SNRK: variants seen among roughly 807,000 people sequenced by gnomAD.
SNRK encodes the protein SNF related kinase.
A neutral mutation model predicts 48.2 loss-of-function variants in SNRK; 3 were observed. The observed-to-expected ratio is 0.06, with a 90% CI of 0.03 to 0.16. The LOEUF (loss-of-function observed/expected upper bound fraction) is 0.16, where lower values mean the gene tolerates loss of function less well. Ranked by LOEUF, SNRK falls within the 10% of genes least tolerant of loss-of-function variation. The pLI, the probability that SNRK is intolerant of heterozygous loss-of-function variation, is 1.00. For synonymous variants in SNRK, 376 were observed against 366.1 expected (o/e 1.03, Z -0.31); for missense variants, 627 against 976.0 (o/e 0.64, Z 4.76).
At position 43,340,421 on chromosome 3, in the gene SNRK, A is replaced by G. The variant is rs2091226279; in HGVS notation, c.866A>G (p.Asn289Ser). The G allele has an allele frequency of 6.2e-7, 1 of 1,614,162 alleles. No homozygotes were observed. Among genetic ancestry groups the G allele is most frequent in the Non-Finnish European group, 8.5e-7 (1 of 1,180,028 alleles). ...KYNIPLVSYK[N>S]LSEEEHNSII... ...AACATTCCCCTTGTGTCATACAAAAATCTCTCGGAAGAGGAGCACAACAGC... is the reference window on the plus strand; with the variant it reads ...AACATTCCCCTTGTGTCATACAAAAGTCTCTCGGAAGAGGAGCACAACAGC... Residue 289 changes from asparagine (N) to serine (S), a missense_variant, in exon 5 of 7, where the codon AAT becomes AGT. By Grantham distance (46) the Asn-to-Ser change is conservative. Around this residue, in one of 4 missense-constraint regions of SNRK, gnomAD observed 147 missense variants for 356.8 expected, o/e 0.41. Coordinates refer to ENST00000296088, the MANE Select transcript of SNRK (RefSeq NM_017719.5).
chr3:43,321,563 G>T (rs572057012), intron 3 of SNRK, among the ~76,000 whole-genome samples: 3 of 152,232 alleles, frequency 2.0e-5, no homozygotes, highest in African/African-American at 7.2e-5. Context: ...TTAATTTTAC[G>T]TATAATTCTA....
intron 3 of SNRK, among the ~76,000 whole-genome samples, chr3:43,324,736 A>G (rs2091081994): frequency 6.6e-6 from 1 of 152,204 alleles, no homozygotes; most frequent in South Asian, 2.1e-4. Context: ...GATTTTTTTA[A>G]TACAGGAAAA....
intron 4 of SNRK, chr3:43,333,208 A>G (rs1422256214): frequency 6.6e-6 from 1 of 152,014 alleles, no homozygotes; most frequent in Non-Finnish European, 1.5e-5. Context: ...CGTCTCTACT[A>G]AAAATACAGA....
At chr3:43,301,811 G>C (rs1199321840) in intron 2 of SNRK, among the ~76,000 whole-genome samples, 2 of 152,130 alleles carry the variant, frequency 1.3e-5, no homozygotes, top group South Asian at 2.1e-4. Flanking sequence ...AGCCTTAGGA[G>C]GTTGCTATAT....
chr3:43,329,912 A>G (rs1325611105), intron 3 of SNRK, among the ~76,000 whole-genome samples: 1 of 152,198 alleles, frequency 6.6e-6, no homozygotes, highest in African/African-American at 2.4e-5. Flanking sequence ...TATATTATTC[A>G]TTATATTTTT....
chr3:43,330,559 G>A (rs1209031130), intron 3 of SNRK, among the ~76,000 whole-genome samples: 1 of 152,100 alleles, frequency 6.6e-6, no homozygotes, highest in Non-Finnish European at 1.5e-5. Flanking sequence ...TCTTAATAAG[G>A]TACTACTTCG....
intron 3 of SNRK, among the ~76,000 whole-genome samples, chr3:43,314,221 C>G (rs1368974794): frequency 6.6e-6 from 1 of 152,106 alleles, no homozygotes; most frequent in Non-Finnish European, 1.5e-5. Flanking sequence ...CCTTAAAATC[C>G]TCCATAATGA....
intron 1 of SNRK, among the ~76,000 whole-genome samples, chr3:43,298,738 C>T (rs1348930073): frequency 6.6e-6 from 1 of 152,208 alleles, no homozygotes; most frequent in Non-Finnish European, 1.5e-5. Context: ...CATGGGAAGA[C>T]CTGCAAGGCT....
At position 43,347,809 on chromosome 3, in the gene SNRK, C is replaced by T; in HGVS notation, c.1550C>T (p.Ala517Val). The T allele has an allele frequency of 1.9e-6, 3 of 1,614,190 alleles. No homozygotes were observed. Among genetic ancestry groups the T allele is most frequent in the Non-Finnish European group, 2.5e-6 (3 of 1,180,048 alleles). ...TTGAGCAGGTTAAAGATGAATATAG[C>T]TTCTCCAGGTACAGTTCACAAACGC... ...PKLSRLKMNI[A>V]SPGTVHKRYH... Residue 517 changes from alanine (A) to valine (V), a missense_variant, in exon 7 of 7, where the codon GCT (alanine) becomes GTT (valine). This residue lies in a region of SNRK where 98 missense variants were observed against 175.2 expected (regional missense o/e 0.56). Coordinates refer to ENST00000296088, the MANE Select transcript of SNRK (RefSeq NM_017719.5). This position sits in a 1 kb window ranked among gnomAD's most constrained non-coding sequence, Gnocchi z 5.4.
At position 43,348,422 on chromosome 3, in the gene SNRK, A is replaced by G. The variant is rs771792782; in HGVS notation, c.2163A>G (p.Ile721Met). The G allele has an allele frequency of 6.2e-7, 1 of 1,612,298 alleles. No individual in the cohort carries two copies. The highest frequency in any genetic ancestry group is 1.1e-5 in the South Asian group (1 of 90,814). ...ATACCACCACTGAATTGGAACGGAT[A>G]AAGAGCAAGAACCTGAAAAATAACG... Reference protein sequence around the residue: ...MADTTTELERIKSKNLKNNVL... With the variant: ...MADTTTELERMKSKNLKNNVL... Residue 721 changes from isoleucine to methionine, a missense_variant, in exon 7 of 7, where the codon ATA becomes ATG. Physicochemically the swap from Ile to Met is conservative, Grantham distance 10 (BLOSUM62 1). Around this residue, in one of 4 missense-constraint regions of SNRK, gnomAD observed 207 missense variants for 234.3 expected, o/e 0.88. Coordinates refer to ENST00000296088, the MANE Select transcript of SNRK (RefSeq NM_017719.5).
intron 3 of SNRK, among the ~76,000 whole-genome samples, chr3:43,326,842 G>A (rs941601798): frequency 2.6e-5 from 4 of 152,174 alleles, no homozygotes; most frequent in Non-Finnish European, 5.9e-5. Flanking sequence ...TCTGGGAAAG[G>A]AGTGTTTTAA....
At chr3:43,305,812 C>T (rs1161246600) in intron 3 of SNRK, among the ~76,000 whole-genome samples, 1 of 152,110 alleles carries the variant, frequency 6.6e-6, no homozygotes, top group Non-Finnish European at 1.5e-5. Flanking sequence ...TTAAAACATA[C>T]AAAGCAGTGT....
rs1180062476 is a variant in SNRK at position 43,305,765 on chromosome 3, A to G, written c.589+1973A>G. 4.6e-5 allele frequency among the ~76,000 whole-genome samples: 7 copies of G among 152,142 alleles called. No individual in the cohort carries two copies. In the East Asian group the frequency reaches 1.2e-3, roughly 25 times the overall value. On this transcript the variant is annotated intron_variant, in intron 3 of 6. Coordinates refer to ENST00000296088, the MANE Select transcript of SNRK (RefSeq NM_017719.5). The stretch of plus-strand genomic sequence containing the variant: ...CTCCCAAAGTGCTGGGATTACAGGC[A>G]TGAGCCACCGCACCCAGCCAACATT...
At chr3:43,322,914 T>C (rs1164642662) in intron 3 of SNRK, among the ~76,000 whole-genome samples, 1 of 117,494 alleles carries the variant, frequency 8.5e-6, no homozygotes, top group Non-Finnish European at 1.6e-5. Flanking sequence ...ACCGTGCCAC[T>C]GCACTACAGC....
At chr3:43,311,412 G>T (rs2090978172) in intron 3 of SNRK, among the ~76,000 whole-genome samples, 1 of 152,102 alleles carries the variant, frequency 6.6e-6, no homozygotes, top group Non-Finnish European at 1.5e-5. Flanking sequence ...TACTGTTTCT[G>T]TCGTATCTAG....
intron 4 of SNRK, chr3:43,332,516 G>A (rs1348277023): frequency 1.1e-5 from 4 of 368,006 alleles, no homozygotes; most frequent in Non-Finnish European, 1.4e-5. Context: ...AATATGATCT[G>A]AAATTTAATA....
intron 3 of SNRK, among the ~76,000 whole-genome samples, chr3:43,304,221 C>A (rs2090918126): frequency 6.6e-6 from 1 of 152,104 alleles, no homozygotes; most frequent in Non-Finnish European, 1.5e-5. Context: ...GTATTAGAAT[C>A]ATTTATTAAC....
intron 5 of SNRK, among the ~76,000 whole-genome samples, chr3:43,342,356 C>T (rs964021681): frequency 4.6e-5 from 7 of 152,292 alleles, no homozygotes; most frequent in South Asian, 2.1e-4. Context: ...ACACACCTTT[C>T]TCTCACAATA....
At chr3:43,288,618 C>T (rs1357911736) in intron 1 of SNRK, among the ~76,000 whole-genome samples, 2 of 152,162 alleles carry the variant, frequency 1.3e-5, no homozygotes, top group African/African-American at 4.8e-5. Flanking sequence ...AGATACTGAG[C>T]AGCCATGGTT....
Sources: gnomAD v4.1 joint callset for allele counts (sites outside exome capture counted in the v4.1 genomes callset) on GRCh38, gnomAD v4.1.1 for gene constraint, gnomAD v4.1.1 regional missense constraint, Gnocchi (gnomAD v3.1) non-coding constraint, MANE v1.5 for transcripts, NCBI Gene and HGNC (gene_info 2026-07-23, HGNC 2026-07-21) for gene names.